GCM1: variants seen among roughly 807,000 people sequenced by gnomAD.
The protein encoded by GCM1 is chorion-specific transcription factor GCMa.
Under a neutral mutation model 25.7 loss-of-function variants are expected in GCM1, and 2 were observed. The ratio of observed to expected loss-of-function variants is 0.08; its 90% CI spans 0.03 to 0.24. The LOEUF is 0.24. Ranked by LOEUF, GCM1 falls within the 10% of genes least tolerant of loss-of-function variation. The pLI is 1.00. For synonymous variants in GCM1, 183 were observed against 195.7 expected, an observed-to-expected ratio of 0.94 and a Z score of 0.54; for missense variants, 395 against 538.7, an observed-to-expected ratio of 0.73 and a Z score of 2.64.
chr6:53,137,750 AG>A (rs1362757157), intron 2 of GCM1, among the ~76,000 whole-genome samples: 14 of 152,224 alleles, frequency 9.2e-5, no homozygotes, highest in Admixed American at 2.0e-4. Context: ...GATGAGGGCA[AG>A]GTAGACTTAG....
At position 53,134,298 on chromosome 6, in the gene GCM1, C is replaced by T. The variant is rs1763767056; in HGVS notation, c.102G>A (p.Gln34=). The T allele has an allele frequency of 1.2e-6, 2 of 1,613,992 alleles. No individual in the cohort carries two copies. The highest frequency in any genetic ancestry group is 2.2e-5 in the South Asian group (2 of 91,076). ...PQNVKKTDWF[Q]EWPDSYAKHI... The stretch of plus-strand genomic sequence containing the variant: ...GTTTGGCATAGGAATCTGGCCACTC[C>T]TGGAACCAGTCGGTTTTTTTCACGT... The change falls in exon 3 of 6, where the codon CAG becomes CAA. Residue 34 remains glutamine, a synonymous_variant. Transcript: ENST00000259803.
At chr6:53,140,200 T>A (rs935618575) in intron 2 of GCM1, among the ~76,000 whole-genome samples, 1 of 152,058 alleles carries the variant, frequency 6.6e-6, no homozygotes, top group Non-Finnish European at 1.5e-5. Flanking sequence ...GGGGGCAAAG[T>A]CACAGGAATC....
At chr6:53,141,413 T>C (rs984510988) in intron 2 of GCM1, among the ~76,000 whole-genome samples, 11 of 152,084 alleles carry the variant, frequency 7.2e-5, no homozygotes, top group Non-Finnish European at 1.0e-4. Flanking sequence ...AAGGGCCGGG[T>C]GCGGTGGCTC....
At chr6:53,140,530 C>CAAAAAAAAAA (rs10629921) in intron 2 of GCM1, among the ~76,000 whole-genome samples, 6 of 128,558 alleles carry the variant, frequency 4.7e-5, no homozygotes, top group Non-Finnish European at 8.0e-5. Flanking sequence ...TTCTCTCTAC[C>CAAAAAAAAAA]AAAAAAAAAA....
At position 53,145,742 on chromosome 6, in the gene GCM1, C is replaced by T. The variant is rs868470250; in HGVS notation, c.-110G>A. 9 of 679,990 alleles carry T rather than the reference C, an allele frequency of 1.3e-5. No individual in the cohort carries two copies. The South Asian group carries it at 1.4e-4, about 11-fold the overall frequency. 42.1% of individuals were successfully genotyped at this position (679,990 alleles called of 1,614,324 possible). On this transcript the variant is annotated 5_prime_UTR_variant, in exon 2 of 6. Coordinates refer to ENST00000259803, the MANE Select transcript of GCM1 (RefSeq NM_003643.4). ...TAGCTGGATCGGCCCACTCAAGCAC[C>T]TTGGACCAGGAGATTGTTTTCTAGG...
chr6:53,144,344 G>A (rs532071972), intron 2 of GCM1, among the ~76,000 whole-genome samples: 1 of 150,590 alleles, frequency 6.6e-6, no homozygotes, highest in African/African-American at 2.4e-5. Context: ...AGGATCACTT[G>A]AGCCCAGGAA....
At chr6:53,145,893 A>G (rs1763947739) in intron 1 of GCM1, 125 bp from the exon 2 acceptor site, 1 of 396,544 alleles carries the variant, frequency 2.5e-6, no homozygotes, top group African/African-American at 2.1e-5. Context: ...AGTAAAAAAC[A>G]AAACATAGGA....
At chr6:53,135,347 C>T (rs1374189636) in intron 2 of GCM1, among the ~76,000 whole-genome samples, 5 of 152,176 alleles carry the variant, frequency 3.3e-5, no homozygotes, top group Admixed American at 2.6e-4. Context: ...ACACTCAGTC[C>T]TTATAGCATA....
At chr6:53,142,870 C>CAAAAAAAAAAAAAAAAA (rs60718730) in intron 2 of GCM1, among the ~76,000 whole-genome samples, 4 of 37,534 alleles carry the variant, frequency 1.1e-4, no homozygotes, top group African/African-American at 1.4e-4. Flanking sequence ...CAAGGATCTC[C>CAAAAAAAAAAAAAAAAA]AAAAAAAAAA....
In GCM1 at chr6:53,128,943, G is replaced by A. The variant is rs143634385; in HGVS notation, c.574C>T (p.Leu192Phe). The part of the protein sequence containing the change: ...SLKGSTETRS[L>F]PGETQSQGSL... ...CCCTGACTTTGTGTTTCACCTGGAA[G>A]AGACTGGAAAGGAAAGTGAAATGCT... Residue 192 changes from leucine (L) to phenylalanine (F), a missense_variant, in exon 6 of 6, where the codon CTT (leucine) becomes TTT (phenylalanine). Leu to Phe is a conservative substitution (Grantham distance 22, BLOSUM62 0). Around this residue, in one of 5 missense-constraint regions of GCM1, gnomAD observed 291 missense variants for 314.6 expected, o/e 0.92. Transcript: ENST00000259803. 12 of 1,611,208 alleles carry A rather than the reference G, an allele frequency of 7.4e-6. No homozygotes were observed. In the African/African-American group the frequency reaches 1.5e-4, roughly 20 times the overall value.
chr6:53,128,028 C>CCAAAAAAAAAAAAAA lies in GCM1; in HGVS notation c.*177_*178insTTTTTTTTTTTTTTG. The CCAAAAAAAAAAAAAA allele has an allele frequency of 1.6e-5, 1 of 63,466 alleles. No individual in the cohort carries two copies. The allele number at this position is 63,466 out of a possible 1,614,324, so 3.9% of individuals were successfully genotyped here. On this transcript the variant is annotated 3_prime_UTR_variant, in exon 6 of 6. Coordinates refer to ENST00000259803, the MANE Select transcript of GCM1 (RefSeq NM_003643.4). Reference sequence around the variant, plus strand: ...TGGGCAAAAGAGCAAGACTCTGTCTCAAAAAAAAAAAAAAAAAAAAAAAAA... The same window carrying CCAAAAAAAAAAAAAA: ...TGGGCAAAAGAGCAAGACTCTGTCTCCAAAAAAAAAAAAAAAAAAAAAAAAAAAAAAAAAAAAAAA...
chr6:53,136,112 A>T (rs1362797608), intron 2 of GCM1, among the ~76,000 whole-genome samples: 1 of 152,260 alleles, frequency 6.6e-6, no homozygotes, highest in African/African-American at 2.4e-5. Flanking sequence ...AGGTACATGC[A>T]GGGTAGTACT....
Position 53,146,500 on chromosome 6 carries a change from G to A in GCM1, c.-136-732C>T, listed in dbSNP as rs1222009990. Among the ~76,000 whole-genome samples, 4 of 152,076 alleles carry A rather than the reference G, an allele frequency of 2.6e-5. No homozygotes were observed. The East Asian group carries it at 7.7e-4, about 29-fold the overall frequency. On this transcript the variant is annotated intron_variant, in intron 1 of 5. Transcript: ENST00000259803. ...CTCCCAAAGTGTTGGGATTACAGGC[G>A]TGAGCCACCGCACCCGGCCAGAAAA...
chr6:53,137,145 G>A (rs1365101399), intron 2 of GCM1, among the ~76,000 whole-genome samples: 1 of 152,206 alleles, frequency 6.6e-6, no homozygotes, highest in Non-Finnish European at 1.5e-5. Flanking sequence ...AATAATAGGA[G>A]GGTGGCATCT....
chr6:53,133,921 T>C, intron 3 of GCM1, 151 bp downstream of exon 3: 1 of 747,302 alleles, frequency 1.3e-6, no homozygotes. Context: ...TTGGTTCCGC[T>C]CCATATGCTC....
At position 53,128,394 on chromosome 6, in the gene GCM1, A is replaced by G; in HGVS notation, c.1123T>C (p.Tyr375His). 1 of 1,613,842 alleles carries G rather than the reference A, an allele frequency of 6.2e-7. No homozygotes were observed. The highest frequency in any genetic ancestry group is 8.5e-7 in the Non-Finnish European group (1 of 1,179,688). The change falls in exon 6 of 6, where the codon TAC becomes CAC. Residue 375 changes from tyrosine to histidine, a missense_variant. Tyr to His is a moderately conservative substitution (Grantham distance 83). Coordinates refer to ENST00000259803, the MANE Select transcript of GCM1 (RefSeq NM_003643.4). ...GAATGGTATGCAGGAGACTGGACGT[A>G]GCTGTTAAAATCCACATGTACTTTC... ...EEKVHVDFNS[Y>H]VQSPAYHSPQ...
At chr6:53,146,746 G>A (rs1763963390) in intron 1 of GCM1, among the ~76,000 whole-genome samples, 1 of 152,084 alleles carries the variant, frequency 6.6e-6, no homozygotes, top group Non-Finnish European at 1.5e-5. Flanking sequence ...CAGCATCCCT[G>A]GTCTCTACCC....
chr6:53,135,646 C>T (rs754631176), intron 2 of GCM1, among the ~76,000 whole-genome samples: 3 of 152,168 alleles, frequency 2.0e-5, no homozygotes, highest in Non-Finnish European at 4.4e-5. Flanking sequence ...GTGCCCATGC[C>T]CTACGGCTTT....
chr6:53,136,993 A>G (rs774537782), intron 2 of GCM1, among the ~76,000 whole-genome samples: 12 of 152,010 alleles, frequency 7.9e-5, no homozygotes, highest in Non-Finnish European at 1.5e-4. Context: ...AAAAAAAAGA[A>G]AAAAGAGTCC....
Sources: allele counts gnomAD v4.1 joint callset (sites outside exome capture counted in the v4.1 genomes callset), GRCh38; gene constraint gnomAD v4.1.1; regional missense constraint gnomAD v4.1.1; transcripts MANE v1.5; gene names NCBI Gene and HGNC (gene_info 2026-07-23, HGNC 2026-07-21).